Variants in PRUNE2 observed in about 807,000 individuals in gnomAD.
PRUNE2 encodes the protein protein prune homolog 2.
PRUNE2 carries 164 observed loss-of-function variants against 252.0 expected under a neutral mutation model. The ratio of observed to expected loss-of-function variants is 0.65; its 90% CI spans 0.57 to 0.74. The LOEUF (loss-of-function observed/expected upper bound fraction) is 0.74. Ranked by LOEUF, PRUNE2 falls within the 30% of genes least tolerant of loss-of-function variation. The pLI, the probability that PRUNE2 is intolerant of heterozygous loss-of-function variation, is 0.00. For missense variants in PRUNE2, 3,495 were observed against 3,711.0 expected (o/e 0.94, Z 1.51); for synonymous variants, 1,292 against 1,350.2 (o/e 0.96, Z 0.94).
intron 9 of PRUNE2, among the ~76,000 whole-genome samples, chr9:76,674,238 T>A (rs372694961): frequency 2.0e-5 from 3 of 152,110 alleles, no homozygotes; most frequent in African/African-American, 7.2e-5. Flanking sequence ...TACAAAAATC[T>A]CAAGCATTCT....
At chr9:76,757,413 T>C (rs564998072) in intron 6 of PRUNE2, among the ~76,000 whole-genome samples, 24 of 152,234 alleles carry the variant, frequency 1.6e-4, no homozygotes, top group Non-Finnish European at 2.8e-4. Context: ...TTCTGAGTCA[T>C]GTTAGTTTTG....
chr9:76,724,220 A>G, intron 6 of PRUNE2, among the ~76,000 whole-genome samples: 1 of 144,312 alleles, frequency 6.9e-6, no homozygotes, highest in East Asian at 2.1e-4. Context: ...GCACTTTGGG[A>G]GGCTGAGGCG....
intron 6 of PRUNE2, among the ~76,000 whole-genome samples, chr9:76,735,365 C>T (rs941070196): frequency 2.6e-5 from 4 of 151,020 alleles, no homozygotes; most frequent in South Asian, 2.1e-4. Flanking sequence ...TACTTGTTTA[C>T]GTTTTAGAAG....
chr9:76,686,624 TA>T (rs1283302648), intron 9 of PRUNE2, among the ~76,000 whole-genome samples: 1 of 152,048 alleles, frequency 6.6e-6, no homozygotes, highest in Non-Finnish European at 1.5e-5. Context: ...CTGGCTGTTT[TA>T]AAAAAATTTT....
At chr9:76,810,102 C>G (rs1361710215) in intron 6 of PRUNE2, among the ~76,000 whole-genome samples, 2 of 152,204 alleles carry the variant, frequency 1.3e-5, no homozygotes, top group Non-Finnish European at 2.9e-5. Context: ...GTGCGCCTGG[C>G]ATACGCATTT....
chr9:76,873,761 A>T (rs1292194963), intron 1 of PRUNE2, among the ~76,000 whole-genome samples: 1 of 152,234 alleles, frequency 6.6e-6, no homozygotes, highest in Non-Finnish European at 1.5e-5. Flanking sequence ...GATACACAAT[A>T]TCGATGGCAT....
intron 9 of PRUNE2, among the ~76,000 whole-genome samples, chr9:76,661,339 T>C (rs1391631707): frequency 1.3e-5 from 2 of 152,138 alleles, no homozygotes; most frequent in Non-Finnish European, 2.9e-5. Flanking sequence ...ACCTCCTGGG[T>C]TTAAGCGATT....
intron 7 of PRUNE2, among the ~76,000 whole-genome samples, chr9:76,712,588 T>C (rs118142151): frequency 0.011 from 1,740 of 152,318 alleles, 31 homozygotes; most frequent in East Asian, 0.085. Context: ...GAACCAATTT[T>C]CACATTGGTT....
At chr9:76,879,787 C>T (rs2133252722) in intron 1 of PRUNE2, among the ~76,000 whole-genome samples, 1 of 137,864 alleles carries the variant, frequency 7.3e-6, no homozygotes, top group East Asian at 2.3e-4. Flanking sequence ...GGAGGTATAT[C>T]AAAAAAGAAG....
chr9:76,837,455 A>ATAATAATAC (rs2059080332), intron 4 of PRUNE2, among the ~76,000 whole-genome samples: 1 of 62,530 alleles, frequency 1.6e-5, no homozygotes, highest in Non-Finnish European at 3.3e-5. Context: ...AATAATAATA[A>ATAATAATAC]TAATAATAAT....
chr9:76,709,363 C>T lies in PRUNE2; in HGVS notation c.2911G>A (p.Asp971Asn). The T allele has an allele frequency of 1.2e-6, 2 of 1,613,898 alleles. No homozygotes were observed. Among genetic ancestry groups the T allele is most frequent in the Non-Finnish European group, 1.7e-6 (2 of 1,179,862 alleles). The change falls in exon 8 of 19, where the codon GAC becomes AAC. Residue 971 changes from aspartate to asparagine, a missense_variant. By Grantham distance (23) the Asp-to-Asn change is conservative. Transcript: ENST00000376718. ...GCAAATGTTGGTGATGTGTAAGAGT[C>T]TGAGGTGGAATAATTGGTATCTAAG... ...SPLDTNYSTSDSYTSPTFAGD... is the reference protein window; with the variant it reads ...SPLDTNYSTSNSYTSPTFAGD...
chr9:76,893,889 C>T (rs1332940046), intron 1 of PRUNE2, among the ~76,000 whole-genome samples: 1 of 152,110 alleles, frequency 6.6e-6, no homozygotes, highest in African/African-American at 2.4e-5. Context: ...AGCCAAGTGG[C>T]AAGCACATGA....
intron 6 of PRUNE2, among the ~76,000 whole-genome samples, chr9:76,779,232 CT>C (rs5898506): frequency 0.051 from 7,431 of 144,704 alleles, 460 homozygotes; most frequent in African/African-American, 0.14. Context: ...AAAACTTAGA[CT>C]TTTTTTTTTT....
At chr9:76,622,010 C>T (rs1241227457) in intron 17 of PRUNE2, among the ~76,000 whole-genome samples, 3 of 152,134 alleles carry the variant, frequency 2.0e-5, no homozygotes, top group African/African-American at 7.2e-5. Flanking sequence ...TTAGGCTCCA[C>T]TCTAGAGCTG....
chr9:76,899,795 G>A (rs2063061849), intron 1 of PRUNE2, among the ~76,000 whole-genome samples: 1 of 152,216 alleles, frequency 6.6e-6, no homozygotes, highest in East Asian at 1.9e-4. Flanking sequence ...AGAAGCAGGT[G>A]AGGGGGCTCA....
At chr9:76,839,144 G>A (rs2059240724) in intron 4 of PRUNE2, among the ~76,000 whole-genome samples, 1 of 151,804 alleles carries the variant, frequency 6.6e-6, no homozygotes. Context: ...TGAAGGGGAC[G>A]GAAATTAAAG....
chr9:76,896,944 C>G (rs2062857400), intron 1 of PRUNE2, among the ~76,000 whole-genome samples: 1 of 152,206 alleles, frequency 6.6e-6, no homozygotes, highest in African/African-American at 2.4e-5. Context: ...TCTAATTACT[C>G]TAAAAGCTAA....
At chr9:76,845,953 C>T (rs1272299834) in intron 4 of PRUNE2, among the ~76,000 whole-genome samples, 1 of 152,174 alleles carries the variant, frequency 6.6e-6, no homozygotes, top group Admixed American at 6.5e-5. Flanking sequence ...ACTAGAGTAA[C>T]TGATGATGGT....
At chr9:76,732,105 G>C (rs995678278) in intron 6 of PRUNE2, among the ~76,000 whole-genome samples, 1 of 152,160 alleles carries the variant, frequency 6.6e-6, no homozygotes, top group Non-Finnish European at 1.5e-5. Context: ...ACGAGGTCAG[G>C]AGATCAAGAC....
Sources: allele counts gnomAD v4.1 joint callset (sites outside exome capture counted in the v4.1 genomes callset), GRCh38; gene constraint gnomAD v4.1.1; transcripts MANE v1.5; gene names NCBI Gene and HGNC (gene_info 2026-07-23, HGNC 2026-07-21).